The following MDFIC variants were observed in gnomAD, a reference collection of about 807,000 sequenced individuals.
MDFIC encodes MyoD family inhibitor domain containing.
In MDFIC, 17 loss-of-function variants were observed where a neutral mutation model predicts 23.2. The ratio of observed to expected loss-of-function variants is 0.73; its 90% CI spans 0.50 to 1.10. The LOEUF (loss-of-function observed/expected upper bound fraction) is 1.10. MDFIC is among the 50% of genes least tolerant of loss of function. The pLI, the probability that MDFIC is intolerant of heterozygous loss-of-function variation, is 0.00. For synonymous variants in MDFIC, 120 were observed against 115.2 expected, an observed-to-expected ratio of 1.04 and a Z score of -0.27; for missense variants, 356 against 316.6, an observed-to-expected ratio of 1.12 and a Z score of -0.95.
At position 114,978,857 on chromosome 7, in the gene MDFIC, A is replaced by T. The variant is rs73445413; in HGVS notation, c.218-649A>T. Reference sequence around the variant, plus strand: ...AGTCACGTAAGGGTGGGCATTTGACATACTTCTAAAGTCCTGACATTTAAT... The same window carrying T: ...AGTCACGTAAGGGTGGGCATTTGACTTACTTCTAAAGTCCTGACATTTAAT... On this transcript the variant is annotated intron_variant, in intron 3 of 4. Transcript: ENST00000393486. 4.2e-3 allele frequency among the ~76,000 whole-genome samples: 638 copies of T among 152,276 alleles called. 3 individuals carry two copies. Among genetic ancestry groups the T allele is most frequent in the African/African-American group, 0.014 (582 of 41,582 alleles).
At chr7:115,007,832 A>G (rs1585123018) in intron 4 of MDFIC, among the ~76,000 whole-genome samples, 1 of 98,896 alleles carries the variant, frequency 1.0e-5, no homozygotes, top group African/African-American at 4.1e-5. Flanking sequence ...AATAGCTGGG[A>G]CTACAGATAC....
intron 4 of MDFIC, among the ~76,000 whole-genome samples, chr7:114,992,820 T>C (rs1791206551): frequency 2.0e-5 from 3 of 152,194 alleles, no homozygotes; most frequent in African/African-American, 7.2e-5. Flanking sequence ...CTTTTTTCGT[T>C]GTATCTCTGC....
chr7:114,952,532 A>G (rs183973637), intron 3 of MDFIC, among the ~76,000 whole-genome samples: 1 of 152,308 alleles, frequency 6.6e-6, no homozygotes, highest in African/African-American at 2.4e-5. Flanking sequence ...ATACACAAAA[A>G]TCAAAGGAAA....
At chr7:115,011,602 A>G (rs188485076) in intron 4 of MDFIC, among the ~76,000 whole-genome samples, 264 of 152,364 alleles carry the variant, frequency 1.7e-3, no homozygotes, top group Non-Finnish European at 2.6e-4. Flanking sequence ...ATAAAATGAT[A>G]TTTTAACAGG....
At position 115,016,938 on chromosome 7, in the gene MDFIC, T is replaced by C. The variant is rs2116163191; in HGVS notation, c.*1003T>C. On this transcript the variant is annotated 3_prime_UTR_variant, in exon 5 of 5. Coordinates refer to ENST00000393486, the MANE Select transcript of MDFIC (RefSeq NM_001166345.3). Reference sequence around the variant, plus strand: ...CCACAAGGCATACTGAAGTGAGGATTATAAGAGAAATAAACTCAAAATGCT... The same window carrying C: ...CCACAAGGCATACTGAAGTGAGGATCATAAGAGAAATAAACTCAAAATGCT... 1 of 152,360 alleles carries C rather than the reference T, an allele frequency of 6.6e-6. No homozygotes were observed. Among genetic ancestry groups the C allele is most frequent in the East Asian group, 1.9e-4 (1 of 5,192 alleles). 9.4% of individuals were successfully genotyped at this position (152,360 alleles called of 1,614,324 possible).
intron 2 of MDFIC, among the ~76,000 whole-genome samples, chr7:114,938,697 T>C (rs1250283730): frequency 6.6e-6 from 1 of 152,212 alleles, no homozygotes; most frequent in African/African-American, 2.4e-5. Flanking sequence ...GGGGGGAATG[T>C]ATGCCTGTTG....
At chr7:115,000,305 A>G (rs7780820) in intron 4 of MDFIC, among the ~76,000 whole-genome samples, 66,184 of 151,938 alleles carry the variant, frequency 0.44, 15,079 homozygotes, top group Admixed American at 0.58. Flanking sequence ...GTCATTGACT[A>G]TACCATCCAG....
At chr7:114,982,216 T>C (rs933516476) in intron 4 of MDFIC, among the ~76,000 whole-genome samples, 38 of 152,142 alleles carry the variant, frequency 2.5e-4, no homozygotes, top group Admixed American at 2.5e-3. Context: ...ACAGTTGTGG[T>C]GAACAGAAAT....
chr7:115,014,365 C>G (rs547660986), intron 4 of MDFIC: 1 of 1,278,512 alleles, frequency 7.8e-7, no homozygotes, highest in Non-Finnish European at 1.0e-6. Flanking sequence ...CATCTACTTG[C>G]AGTTATATGG....
At chr7:114,985,808 T>C (rs894334702) in intron 4 of MDFIC, among the ~76,000 whole-genome samples, 4 of 151,848 alleles carry the variant, frequency 2.6e-5, no homozygotes, top group African/African-American at 9.7e-5. Context: ...GAGCCTGGGA[T>C]GGCCCGTTCT....
intron 4 of MDFIC, among the ~76,000 whole-genome samples, chr7:114,993,771 A>G (rs896989447): frequency 1.3e-4 from 20 of 152,122 alleles, no homozygotes; most frequent in African/African-American, 4.8e-4. Context: ...ACTTCCAACT[A>G]TGTGGTCAGT....
chr7:114,996,717 A>G (rs1791340421), intron 4 of MDFIC, among the ~76,000 whole-genome samples: 3 of 152,202 alleles, frequency 2.0e-5, no homozygotes, highest in Admixed American at 1.3e-4. Context: ...TTAGGAAATA[A>G]AATACAAATC....
chr7:114,924,059 A>G (rs1563133335), intron 2 of MDFIC, among the ~76,000 whole-genome samples: 1 of 152,194 alleles, frequency 6.6e-6, no homozygotes, highest in Non-Finnish European at 1.5e-5. Context: ...AAGCTGCAAT[A>G]GGTAAAAGCA....
intron 3 of MDFIC, among the ~76,000 whole-genome samples, chr7:114,954,285 CT>C (rs1334002979): frequency 1.3e-5 from 2 of 152,320 alleles, no homozygotes; most frequent in Non-Finnish European, 2.9e-5. Flanking sequence ...GTTCTTTTCC[CT>C]TGTAATATCT....
At chr7:114,992,608 A>G (rs1190540411) in intron 4 of MDFIC, among the ~76,000 whole-genome samples, 1 of 152,114 alleles carries the variant, frequency 6.6e-6, no homozygotes, top group Non-Finnish European at 1.5e-5. Context: ...TGAGATAATC[A>G]TGTGGTTTTT....
intron 4 of MDFIC, among the ~76,000 whole-genome samples, chr7:114,988,702 A>G (rs1793554155): frequency 6.6e-6 from 1 of 152,216 alleles, no homozygotes; most frequent in Non-Finnish European, 1.5e-5. Context: ...GGAGATGATC[A>G]TGAGTTGAGT....
Position 114,922,213 on chromosome 7 carries a change from G to A in MDFIC, c.-531G>A, listed in dbSNP as rs377391073. On this transcript the variant is annotated 5_prime_UTR_variant, in exon 1 of 5. Transcript: ENST00000393486. ...GCAGGGCGCGAGGGATCGCGCGGCC[G>A]AGCCCGGGTCGCGCCGCTCCCAGCA... is the stretch of plus-strand genomic sequence containing the variant. 4.3e-6 allele frequency: 2 copies of A among 467,066 alleles called. No individual in the cohort carries two copies. Among genetic ancestry groups the A allele is most frequent in the East Asian group, 7.1e-5 (2 of 28,074 alleles). The allele number at this position is 467,066 out of a possible 1,614,324, so 28.9% of individuals were successfully genotyped here. A position where few individuals can be genotyped will look rare whatever the true frequency, so the allele number is the denominator to read the frequency against.
intron 3 of MDFIC, among the ~76,000 whole-genome samples, chr7:114,965,762 T>C (rs889485397): frequency 2.0e-5 from 3 of 152,182 alleles, no homozygotes; most frequent in Non-Finnish European, 4.4e-5. Context: ...CAATAAAAGT[T>C]TATTGTATGA....
chr7:114,969,268 G>T (rs1035899731), intron 3 of MDFIC, among the ~76,000 whole-genome samples: 11 of 152,112 alleles, frequency 7.2e-5, no homozygotes, highest in African/African-American at 2.7e-4. Flanking sequence ...GTTTATAATG[G>T]TATTGAATAC....
Sources: gnomAD v4.1 joint callset for allele counts (sites outside exome capture counted in the v4.1 genomes callset) on GRCh38, gnomAD v4.1.1 for gene constraint, MANE v1.5 for transcripts, NCBI Gene and HGNC (gene_info 2026-07-23, HGNC 2026-07-21) for gene names.